Variants in NCAPG2 observed in about 807,000 individuals in gnomAD.
The protein encoded by NCAPG2 is non-SMC condensin II complex subunit G2, also known as condensin-2 complex subunit G2.
A neutral mutation model predicts 141.1 loss-of-function variants in NCAPG2; 53 were observed. That is an observed-to-expected ratio of 0.38 (90% CI 0.30 to 0.47). The LOEUF (loss-of-function observed/expected upper bound fraction) is 0.47. NCAPG2 is among the 20% of genes least tolerant of loss of function. The pLI is 0.99. For missense variants in NCAPG2, 1,087 were observed against 1,389.0 expected, an observed-to-expected ratio of 0.78 and a Z score of 3.46; for synonymous variants, 499 against 490.7, an observed-to-expected ratio of 1.02 and a Z score of -0.22.
intron 16 of NCAPG2, among the ~76,000 whole-genome samples, chr7:158,661,533 C>A (rs969552712): frequency 2.8e-4 from 42 of 152,060 alleles, no homozygotes; most frequent in African/African-American, 9.4e-4. Context: ...AAAGATCTAT[C>A]CTATAACATG....
chr7:158,667,464 G>GCCTTACCCACTACTGGGTCCCTCCACCCT (rs1833150037), intron 13 of NCAPG2, among the ~76,000 whole-genome samples: 1 of 65,064 alleles, frequency 1.5e-5, no homozygotes, highest in African/African-American at 6.9e-5. Context: ...CCCTCCGCCC[G>GCCTTACCCACTACTGGGTCCCTCCACCCT]CCTTACCCAC....
intron 13 of NCAPG2, among the ~76,000 whole-genome samples, chr7:158,667,578 TC>T (rs202035217): frequency 0.036 from 306 of 8,432 alleles, 31 homozygotes; most frequent in Non-Finnish European, 0.044. Flanking sequence ...CCCTCCGCCC[TC>T]CCTTACCCAC....
intron 13 of NCAPG2, chr7:158,665,246 GATC>G (rs1203186653): frequency 6.3e-6 from 1 of 158,670 alleles, no homozygotes; most frequent in Non-Finnish European, 1.4e-5. Context: ...AGCCTGCCCA[GATC>G]ATCATGGACG....
intron 12 of NCAPG2, among the ~76,000 whole-genome samples, chr7:158,674,817 T>C (rs1247663217): frequency 6.6e-6 from 1 of 152,216 alleles, no homozygotes; most frequent in African/African-American, 2.4e-5. Flanking sequence ...TCTTCTTAGG[T>C]CATCTCACAG....
chr7:158,667,746 G>A (rs372370717), intron 13 of NCAPG2, among the ~76,000 whole-genome samples: 4 of 59,998 alleles, frequency 6.7e-5, no homozygotes, highest in Non-Finnish European at 8.4e-5. Flanking sequence ...GTGGCCCTCC[G>A]CCCTCCCTTA....
At chr7:158,692,773 A>C in intron 4 of NCAPG2, 69 bp downstream of exon 4, 1 of 988,056 alleles carries the variant, frequency 1.0e-6, no homozygotes, top group Non-Finnish European at 1.6e-6. Flanking sequence ...GAATAAATAA[A>C]AACAGAAACA....
chr7:158,635,324 C>A (rs1290095686), intron 27 of NCAPG2, among the ~76,000 whole-genome samples: 3 of 151,976 alleles, frequency 2.0e-5, no homozygotes, highest in Admixed American at 2.0e-4. Flanking sequence ...TTATCAATAC[C>A]TGATAACAAA....
chr7:158,653,987 G>C (rs2129458806), intron 22 of NCAPG2, among the ~76,000 whole-genome samples: 1 of 152,270 alleles, frequency 6.6e-6, no homozygotes, highest in African/African-American at 2.4e-5. Context: ...TCAGGGGCCA[G>C]GGACCAGGGT....
chr7:158,658,108 T>A (rs1232301605), intron 17 of NCAPG2, among the ~76,000 whole-genome samples: 1 of 148,080 alleles, frequency 6.8e-6, no homozygotes, highest in Non-Finnish European at 1.5e-5. Flanking sequence ...CCTGTGACCC[T>A]GCCAAATCCC....
intron 22 of NCAPG2, 69 bp downstream of exon 22, chr7:158,654,526 C>T: frequency 6.9e-7 from 1 of 1,453,456 alleles, no homozygotes; most frequent in Non-Finnish European, 9.4e-7. Context: ...CTGAGCTACA[C>T]AGTAAAGGAG....
chr7:158,675,729 A>G, intron 11 of NCAPG2, 73 bp from the exon 12 acceptor site: 1 of 1,481,308 alleles, frequency 6.8e-7, no homozygotes, highest in Non-Finnish European at 9.2e-7. Context: ...TTCACACGTG[A>G]GCACTTCAGG....
chr7:158,680,216 C>T (rs536993084), intron 10 of NCAPG2, 131 bp from the exon 11 acceptor site: 53 of 1,060,042 alleles, frequency 5.0e-5, no homozygotes, highest in South Asian at 2.4e-4. Flanking sequence ...ACAATTATAA[C>T]GTTTAAATTG....
intron 6 of NCAPG2, 143 bp from the exon 7 acceptor site, chr7:158,687,585 A>G: frequency 1.6e-6 from 1 of 618,706 alleles, no homozygotes. Context: ...GAGCACATGC[A>G]CGAGTTGAGC....
chr7:158,660,401 CTTTTT>C (rs945928092), intron 16 of NCAPG2, among the ~76,000 whole-genome samples: 3 of 72,816 alleles, frequency 4.1e-5, no homozygotes, highest in Non-Finnish European at 7.8e-5. Flanking sequence ...TTTCAGCTTT[CTTTTT>C]TTTTTTTTTT....
intron 3 of NCAPG2, 86 bp from the exon 4 acceptor site, chr7:158,693,042 TA>T: frequency 2.0e-6 from 2 of 1,021,248 alleles, no homozygotes; most frequent in African/African-American, 1.6e-5. Flanking sequence ...ACAAATTTTC[TA>T]AAAATCAAGC....
intron 23 of NCAPG2, 122 bp downstream of exon 23, chr7:158,652,170 TC>T: frequency 1.0e-6 from 1 of 985,900 alleles, no homozygotes; most frequent in Non-Finnish European, 1.5e-6. Context: ...AGCAGGGACC[TC>T]CCACACAACA....
At chr7:158,636,405 T>C (rs1389382866) in intron 27 of NCAPG2, among the ~76,000 whole-genome samples, 5 of 149,684 alleles carry the variant, frequency 3.3e-5, no homozygotes, top group Non-Finnish European at 7.4e-5. Context: ...TTTTTTTCTT[T>C]TTTTTTTTTT....
At chr7:158,681,722 T>C (rs1834465042) in intron 9 of NCAPG2, among the ~76,000 whole-genome samples, 1 of 152,198 alleles carries the variant, frequency 6.6e-6, no homozygotes, top group African/African-American at 2.4e-5. Flanking sequence ...ACTTGCTTCA[T>C]AGAAAAATTT....
At chr7:158,632,127 T>C (rs1484305493) in intron 27 of NCAPG2, among the ~76,000 whole-genome samples, 1 of 152,144 alleles carries the variant, frequency 6.6e-6, no homozygotes, top group Non-Finnish European at 1.5e-5. Context: ...TACCATGACA[T>C]TTACCTACTA....
Sources: allele counts gnomAD v4.1 joint callset (sites outside exome capture counted in the v4.1 genomes callset), GRCh38; gene constraint gnomAD v4.1.1; transcripts MANE v1.5; gene names NCBI Gene and HGNC (gene_info 2026-07-23, HGNC 2026-07-21).